The following TLL1 variants were observed in gnomAD, a reference collection of about 807,000 sequenced individuals.
TLL1 encodes tolloid-like protein 1.
A neutral mutation model predicts 128.2 loss-of-function variants in TLL1; 49 were observed. The observed-to-expected ratio is 0.38, with a 90% CI of 0.30 to 0.48. The LOEUF (loss-of-function observed/expected upper bound fraction) is 0.48, where lower values mean the gene tolerates loss of function less well. Among genes scored for constraint, TLL1 ranks in the 20% least tolerant of loss-of-function variants. TLL1 has a pLI of 0.96. For missense variants in TLL1, 1,123 were observed against 1,242.0 expected, an observed-to-expected ratio of 0.90 and a Z score of 1.44; for synonymous variants, 454 against 418.8, an observed-to-expected ratio of 1.08 and a Z score of -1.03.
Position 166,102,715 on chromosome 4 carries a change from T to TA in TLL1, c.*1842dup, listed in dbSNP as rs1368886958. 6.6e-6 allele frequency: 1 copy of TA among 151,980 alleles called. No homozygotes were observed. The highest frequency in any genetic ancestry group is 2.4e-5 in the African/African-American group (1 of 41,426). The allele number at this position is 151,980 out of a possible 1,614,324, so 9.4% of individuals were successfully genotyped here. A position where few individuals can be genotyped will look rare whatever the true frequency, so the allele number is the denominator to read the frequency against. ...AGATGTAGCTTATCTGTTTTTTTCTTAAATTGTTGCCCTGAAAAAATTTCT... is the reference window on the plus strand; with the variant it reads ...AGATGTAGCTTATCTGTTTTTTTCTTAAAATTGTTGCCCTGAAAAAATTTCT... On this transcript the variant is annotated 3_prime_UTR_variant, in exon 21 of 21. Transcript: ENST00000061240.
Position 166,100,854 on chromosome 4 carries a change from A to T in TLL1, c.3020A>T (p.Asp1007Val). The change falls in exon 21 of 21, where the codon GAT (aspartate) becomes GTT (valine). Residue 1007 changes from aspartate to valine, a missense_variant. Asp to Val is a radical substitution (Grantham distance 152). This residue lies in a region of TLL1 where 634 missense variants were observed against 672.4 expected (regional missense o/e 0.94). Transcript: ENST00000061240. ...HIRYKSIRYP[D>V]TTHTKK ...AGATACAAAAGCATAAGATATCCAGATACCACACATACCAAAAAATAACAC... is the reference window on the plus strand; with the variant it reads ...AGATACAAAAGCATAAGATATCCAGTTACCACACATACCAAAAAATAACAC... 6.2e-7 allele frequency: 1 copy of T among 1,612,726 alleles called. No individual in the cohort carries two copies. The highest frequency in any genetic ancestry group is 8.5e-7 in the Non-Finnish European group (1 of 1,179,236).
At position 166,003,566 on chromosome 4, in the gene TLL1, C is replaced by A. The variant is rs1737264384; in HGVS notation, c.808C>A (p.Pro270Thr). 1 of 1,613,660 alleles carries A rather than the reference C, an allele frequency of 6.2e-7. No individual in the cohort carries two copies. Among genetic ancestry groups the A allele is most frequent in the Admixed American group, 1.7e-5 (1 of 59,968 alleles). Residue 270 changes from proline to threonine, a missense_variant, in exon 6 of 21, where the codon CCA (proline) becomes ACA (threonine). By Grantham distance (38) the Pro-to-Thr change is conservative (BLOSUM62 -1). Coordinates refer to ENST00000061240, the MANE Select transcript of TLL1 (RefSeq NM_012464.5). ...HVTIIRENIQ[P>T]GQEYNFLKME... The stretch of plus-strand genomic sequence containing the variant: ...AACTATCATAAGAGAAAACATCCAG[C>A]CAGGTGAGAGGCATAGAATGTGTTG...
chr4:166,021,676 C>T (rs1357167196), intron 8 of TLL1, among the ~76,000 whole-genome samples: 2 of 152,080 alleles, frequency 1.3e-5, no homozygotes, highest in Admixed American at 1.3e-4. Context: ...CATGATCCAC[C>T]CGCCTCGGCC....
chr4:166,037,087 G>A (rs1159966233), intron 9 of TLL1, among the ~76,000 whole-genome samples: 1 of 152,012 alleles, frequency 6.6e-6, no homozygotes, highest in African/African-American at 2.4e-5. Flanking sequence ...GAGTTCTTAT[G>A]TAATCATATA....
rs1328005562 is a variant in TLL1, at chr4:166,083,509, G to A, written c.2442+5479G>A. ...ATTCCTTCCATCTAACTGAAATTTT[G>A]TATTTTTTGACTGACATCTACTCAA... On this transcript the variant is annotated intron_variant, in intron 18 of 20. Transcript: ENST00000061240. Among the ~76,000 whole-genome samples the A allele has an allele frequency of 1.6e-5, 2 of 122,446 alleles. 1 individual carries two copies. Among genetic ancestry groups the A allele is most frequent in the Non-Finnish European group, 3.8e-5 (2 of 52,000 alleles). 80.3% of individuals were successfully genotyped at this position (122,446 alleles called of 152,430 possible).
intron 9 of TLL1, among the ~76,000 whole-genome samples, chr4:166,036,031 C>G (rs1231682266): frequency 1.3e-5 from 2 of 152,106 alleles, no homozygotes; most frequent in Non-Finnish European, 2.9e-5. Flanking sequence ...CTTTTTCAGT[C>G]TAATTGGCAA....
At chr4:165,921,563 C>T (rs575362502) in intron 1 of TLL1, among the ~76,000 whole-genome samples, 25 of 152,210 alleles carry the variant, frequency 1.6e-4, no homozygotes, top group African/African-American at 5.1e-4. Flanking sequence ...CTTTATACCC[C>T]GGGGACCCTT....
Position 165,956,613 on chromosome 4 carries a change from CTT to C in TLL1, c.170-32767_170-32766del, listed in dbSNP as rs1167465005. On this transcript the variant is annotated intron_variant, in intron 1 of 20. Coordinates refer to ENST00000061240, the MANE Select transcript of TLL1 (RefSeq NM_012464.5). ...GTTCCCTAAAAATCACTGTTATTCT[CTT>C]CTTTTTCAAGGTGCACTGATTTCAT... Among the ~76,000 whole-genome samples the C allele has an allele frequency of 3.9e-5, 6 of 152,020 alleles. No homozygotes were observed. In the East Asian group the frequency reaches 1.2e-3, roughly 30 times the overall value.
At position 166,025,777 on chromosome 4, in the gene TLL1, T is replaced by A. The variant is rs1359442479; in HGVS notation, c.1158+346T>A. Among the ~76,000 whole-genome samples, 4 of 151,822 alleles carry A rather than the reference T, an allele frequency of 2.6e-5. No homozygotes were observed. In the East Asian group the frequency reaches 5.8e-4, roughly 22 times the overall value. Reference sequence around the variant, plus strand: ...GATGTCCAGTTCAACCAGGAAAAAATTATAATGAAAATTGTAAACTATTTT... The same window carrying A: ...GATGTCCAGTTCAACCAGGAAAAAAATATAATGAAAATTGTAAACTATTTT... On this transcript the variant is annotated intron_variant, in intron 9 of 20. Coordinates refer to ENST00000061240, the MANE Select transcript of TLL1 (RefSeq NM_012464.5).
At chr4:165,893,595 A>G (rs1046998406) in intron 1 of TLL1, among the ~76,000 whole-genome samples, 5 of 152,138 alleles carry the variant, frequency 3.3e-5, no homozygotes, top group African/African-American at 1.2e-4. Context: ...CCAAAGATTT[A>G]CCTCACTACT....
intron 7 of TLL1, among the ~76,000 whole-genome samples, chr4:166,008,331 A>T (rs1209261392): frequency 2.6e-5 from 4 of 151,644 alleles, no homozygotes; most frequent in Non-Finnish European, 5.9e-5. Context: ...TTCCTAAATC[A>T]TTAAAAAGTT....
chr4:166,055,683 A>G (rs1035373278), intron 13 of TLL1, among the ~76,000 whole-genome samples: 1 of 152,180 alleles, frequency 6.6e-6, no homozygotes, highest in East Asian at 1.9e-4. Flanking sequence ...AAAATAATTT[A>G]TGACCTCCTT....
intron 1 of TLL1, among the ~76,000 whole-genome samples, chr4:165,897,912 T>G (rs896428787): frequency 6.6e-6 from 1 of 152,100 alleles, no homozygotes; most frequent in Non-Finnish European, 1.5e-5. Flanking sequence ...CCTTGAGAAG[T>G]GGTTTGTAGT....
chr4:165,879,061 C>T (rs2110806932), intron 1 of TLL1, among the ~76,000 whole-genome samples: 1 of 150,996 alleles, frequency 6.6e-6, no homozygotes, highest in Non-Finnish European at 1.5e-5. Context: ...TCTGTAGCAG[C>T]TAGGACTACA....
chr4:166,077,665 A>G (rs1321590022), intron 17 of TLL1, among the ~76,000 whole-genome samples: 1 of 152,194 alleles, frequency 6.6e-6, no homozygotes, highest in African/African-American at 2.4e-5. Context: ...TCTTTTAGGC[A>G]TTTATCTGAT....
intron 1 of TLL1, among the ~76,000 whole-genome samples, chr4:165,958,026 C>A (rs976117197): frequency 2.0e-5 from 3 of 151,316 alleles, no homozygotes; most frequent in South Asian, 2.1e-4. Flanking sequence ...CATGTCCCTA[C>A]AAAGGACATG....
intron 12 of TLL1, among the ~76,000 whole-genome samples, chr4:166,054,117 C>G (rs1346812602): frequency 1.3e-5 from 2 of 151,952 alleles, no homozygotes; most frequent in Non-Finnish European, 2.9e-5. Context: ...ATTGAGTTTC[C>G]CCTGATTATC....
At chr4:165,966,638 G>A (rs986452010) in intron 1 of TLL1, among the ~76,000 whole-genome samples, 3 of 152,096 alleles carry the variant, frequency 2.0e-5, no homozygotes, top group South Asian at 2.1e-4. Context: ...GGGTTTCTGG[G>A]GGAGACATCA....
chr4:166,062,703 C>A (rs959450011), intron 15 of TLL1, among the ~76,000 whole-genome samples: 1 of 151,948 alleles, frequency 6.6e-6, no homozygotes. Flanking sequence ...AATTGAATAC[C>A]CTTTATTTCT....
Sources: allele counts gnomAD v4.1 joint callset (sites outside exome capture counted in the v4.1 genomes callset), GRCh38; gene constraint gnomAD v4.1.1; regional missense constraint gnomAD v4.1.1; transcripts MANE v1.5; gene names NCBI Gene and HGNC (gene_info 2026-07-23, HGNC 2026-07-21).